Variants in ABCC4 observed in about 807,000 individuals in gnomAD.
The protein encoded by ABCC4 is ATP-binding cassette sub-family C member 4.
ABCC4 carries 102 observed loss-of-function variants against 168.5 expected under a neutral mutation model. That is an observed-to-expected ratio of 0.61 (90% confidence interval 0.52 to 0.71). ABCC4 has a LOEUF of 0.71. Among genes scored for constraint, ABCC4 ranks in the 30% least tolerant of loss-of-function variants. ABCC4 has a pLI of 0.00. For missense variants in ABCC4, 1,402 were observed against 1,605.8 expected, an observed-to-expected ratio of 0.87 and a Z score of 2.17; for synonymous variants, 617 against 590.7, an observed-to-expected ratio of 1.04 and a Z score of -0.65.
intron 14 of ABCC4, among the ~76,000 whole-genome samples, chr13:95,168,547 G>A (rs1201044074): frequency 1.3e-5 from 2 of 152,114 alleles, no homozygotes; most frequent in Non-Finnish European, 2.9e-5. Context: ...CTTGGAGAAC[G>A]GTGCACACAG....
chr13:95,051,437 T>C (rs2032825613), intron 27 of ABCC4, among the ~76,000 whole-genome samples: 1 of 152,148 alleles, frequency 6.6e-6, no homozygotes, highest in African/African-American at 2.4e-5. Context: ...GGTGCAATCA[T>C]GGCTCACTGC....
At chr13:95,187,838 A>C (rs781075009) in intron 10 of ABCC4, among the ~76,000 whole-genome samples, 4 of 152,166 alleles carry the variant, frequency 2.6e-5, no homozygotes, top group Non-Finnish European at 4.4e-5. Context: ...CATCTTCTAC[A>C]ATGCACAGAC....
At chr13:95,115,673 C>G (rs560507029) in intron 20 of ABCC4, among the ~76,000 whole-genome samples, 1 of 152,144 alleles carries the variant, frequency 6.6e-6, no homozygotes, top group African/African-American at 2.4e-5. Flanking sequence ...GAGCCACTTA[C>G]CAAGCACGAA....
intron 3 of ABCC4, among the ~76,000 whole-genome samples, chr13:95,243,759 C>T (rs1251692376): frequency 6.6e-6 from 1 of 152,106 alleles, no homozygotes; most frequent in South Asian, 2.1e-4. Flanking sequence ...ATGGTGCATG[C>T]CTATAGTCAC....
At chr13:95,048,290 A>C (rs1451575702) in intron 27 of ABCC4, among the ~76,000 whole-genome samples, 1 of 152,230 alleles carries the variant, frequency 6.6e-6, no homozygotes, top group Non-Finnish European at 1.5e-5. Flanking sequence ...ACAATGTATC[A>C]GGTTATTTTG....
chr13:95,188,492 G>A lies in ABCC4; in HGVS notation c.1314C>T (p.Gly438=), dbSNP rs150945397. 117 of 1,613,920 alleles carry A rather than the reference G, an allele frequency of 7.2e-5. No individual in the cohort carries two copies. The highest frequency in any genetic ancestry group is 8.8e-5 in the Non-Finnish European group (104 of 1,179,992). The stretch of plus-strand genomic sequence containing the variant: ...CGGGGCCGACCACAGCTAACAATTC[G>A]CCAGGTCTGACAGTAAAGGAAAGGC... ...LQGLSFTVRP[G]ELLAVVGPVG... Residue 438 remains glycine, a synonymous_variant, in exon 10 of 31, where the codon GGC becomes GGT. Coordinates refer to ENST00000645237, the MANE Select transcript of ABCC4 (RefSeq NM_005845.5).
At chr13:95,205,644 A>G (rs1216605947) in intron 8 of ABCC4, among the ~76,000 whole-genome samples, 6 of 152,240 alleles carry the variant, frequency 3.9e-5, no homozygotes, top group Non-Finnish European at 8.8e-5. Context: ...GATGGTGTGT[A>G]AAGTGGATGC....
chr13:95,163,555 C>T (rs373182145), intron 17 of ABCC4, 55 bp downstream of exon 17: 107 of 1,468,052 alleles, frequency 7.3e-5, no homozygotes, highest in Admixed American at 1.4e-4. Context: ...TATGGAAAAG[C>T]GAGTCTTCTT....
At chr13:95,061,669 T>TA (rs11339914) in intron 26 of ABCC4, among the ~76,000 whole-genome samples, 50,828 of 126,506 alleles carry the variant, frequency 0.4, 11,461 homozygotes, top group South Asian at 0.64. Flanking sequence ...TATAGAGTGT[T>TA]AAAAAAAAAA....
At chr13:95,075,700 T>C (rs1228971849) in intron 21 of ABCC4, 149 bp from the exon 22 acceptor site, 5 of 959,542 alleles carry the variant, frequency 5.2e-6, no homozygotes, top group Non-Finnish European at 7.5e-6. Context: ...ATGTTCCCAA[T>C]AGCCTGAGGG....
intron 3 of ABCC4, among the ~76,000 whole-genome samples, chr13:95,243,429 A>G (rs1378128485): frequency 1.3e-5 from 2 of 152,234 alleles, no homozygotes; most frequent in African/African-American, 2.4e-5. Flanking sequence ...ACCATCAGTC[A>G]ATGTCGTGAC....
At chr13:95,047,476 CT>C (rs71111586) in intron 27 of ABCC4, among the ~76,000 whole-genome samples, 1,106 of 83,330 alleles carry the variant, frequency 0.013, 13 homozygotes, top group African/African-American at 0.053. Context: ...ACTGCCTATT[CT>C]TTTTTTTTTT....
Position 95,238,209 on chromosome 13 carries a change from A to G in ABCC4, c.307-3375T>C, listed in dbSNP as rs538143250. 1.3e-4 allele frequency among the ~76,000 whole-genome samples: 20 copies of G among 151,800 alleles called. 1 individual carries two copies. In the East Asian group the frequency reaches 2.7e-3, roughly 21 times the overall value. ...ACTCCATCTCAGAAAAAAAAAAAAAAAAAAAAAGAAATGGGGGAACAGGGG... is the reference window on the plus strand; with the variant it reads ...ACTCCATCTCAGAAAAAAAAAAAAAGAAAAAAAGAAATGGGGGAACAGGGG... On this transcript the variant is annotated intron_variant, in intron 3 of 30. Transcript: ENST00000645237.
intron 4 of ABCC4, among the ~76,000 whole-genome samples, chr13:95,220,798 AAG>A (rs1237714046): frequency 1.3e-5 from 2 of 152,196 alleles, no homozygotes; most frequent in Non-Finnish European, 2.9e-5. Context: ...AGAGATCCAA[AAG>A]AGAAAATGAC....
At chr13:95,130,767 C>T (rs1018429733) in intron 19 of ABCC4, among the ~76,000 whole-genome samples, 1 of 152,162 alleles carries the variant, frequency 6.6e-6, no homozygotes, top group African/African-American at 2.4e-5. Flanking sequence ...GAGAATGTAT[C>T]TCCAAACACA....
At chr13:95,095,000 G>A (rs533780701) in intron 20 of ABCC4, among the ~76,000 whole-genome samples, 1 of 152,294 alleles carries the variant, frequency 6.6e-6, no homozygotes, top group African/African-American at 2.4e-5. Flanking sequence ...AACAGTAGAT[G>A]TTGGCATGGA....
At chr13:95,096,012 C>T in intron 20 of ABCC4, 2 of 405,624 alleles carry the variant, frequency 4.9e-6, no homozygotes, top group South Asian at 9.9e-5. Context: ...AAGAGCAAAA[C>T]AAATGAAAAT....
intron 4 of ABCC4, among the ~76,000 whole-genome samples, chr13:95,228,962 A>C (rs1161865708): frequency 6.6e-6 from 1 of 152,088 alleles, no homozygotes; most frequent in East Asian, 1.9e-4. Flanking sequence ...AAGAAACAGG[A>C]ATTCTTCCCC....
intron 21 of ABCC4, among the ~76,000 whole-genome samples, chr13:95,079,337 G>T (rs936196445): frequency 3.3e-5 from 5 of 152,164 alleles, no homozygotes; most frequent in African/African-American, 9.7e-5. Context: ...ACATGAAAAG[G>T]AACTGCATGC....
Sources: allele counts gnomAD v4.1 joint callset (sites outside exome capture counted in the v4.1 genomes callset), GRCh38; gene constraint gnomAD v4.1.1; transcripts MANE v1.5; gene names NCBI Gene and HGNC (gene_info 2026-07-23, HGNC 2026-07-21).